Variants in ESYT2 observed in about 807,000 individuals in gnomAD.
The protein encoded by ESYT2 is extended synaptotagmin-2.
A neutral mutation model predicts 107.2 loss-of-function variants in ESYT2; 54 were observed. The ratio of observed to expected loss-of-function variants is 0.50; its 90% CI spans 0.40 to 0.63. The LOEUF (loss-of-function observed/expected upper bound fraction) is 0.63. ESYT2 is among the 30% of genes least tolerant of loss of function. The probability of loss-of-function intolerance (pLI) is 0.00; values close to 1 mark genes in which losing one functional copy is unlikely to be tolerated. For missense variants in ESYT2, 1,020 were observed against 1,094.5 expected (o/e 0.93, Z 0.96); for synonymous variants, 491 against 434.1 (o/e 1.13, Z -1.63).
intron 1 of ESYT2, among the ~76,000 whole-genome samples, chr7:158,810,608 G>A (rs1839966361): frequency 6.6e-6 from 1 of 152,166 alleles, no homozygotes; most frequent in Non-Finnish European, 1.5e-5. Flanking sequence ...CTTGAGCCTG[G>A]GAGGTGGAGG....
At chr7:158,782,114 GGT>G (rs1257557722) in intron 6 of ESYT2, among the ~76,000 whole-genome samples, 35 of 142,966 alleles carry the variant, frequency 2.4e-4, no homozygotes, top group Non-Finnish European at 4.1e-4. Context: ...CAAAGTGTGA[GGT>G]GTGAGTGTAA....
In ESYT2 at chr7:158,749,663, C is replaced by T. The variant is rs1163765989; in HGVS notation, c.1543G>A (p.Ala515Thr). Residue 515 changes from alanine to threonine, a missense_variant, in exon 15 of 23, where the codon GCC becomes ACC. Ala to Thr is a moderately conservative substitution (Grantham distance 58, BLOSUM62 0). Coordinates refer to ENST00000275418, the MANE Select transcript of ESYT2 (RefSeq NM_001367773.1). ...PVVQMSVGHK[A>T]QESKIRYKTN... ...GAGCACCTTACCTTGCTCTCCTGGG[C>T]CTTGTGCCCAACTGACATCTGGACA... is the stretch of plus-strand genomic sequence containing the variant. 6.2e-7 allele frequency: 1 copy of T among 1,613,878 alleles called. No individual in the cohort carries two copies. The highest frequency in any genetic ancestry group is 1.3e-5 in the African/African-American group (1 of 74,886).
chr7:158,828,597 C>G (rs1301694054), intron 1 of ESYT2, among the ~76,000 whole-genome samples: 2 of 152,124 alleles, frequency 1.3e-5, no homozygotes, highest in African/African-American at 2.4e-5. Flanking sequence ...CGAGGGCAGA[C>G]GCGCCCCGGA....
intron 1 of ESYT2, among the ~76,000 whole-genome samples, chr7:158,826,724 G>C (rs918186186): frequency 6.7e-6 from 1 of 149,932 alleles, no homozygotes; most frequent in African/African-American, 2.5e-5. Flanking sequence ...GGGAGGCTGA[G>C]GCAGGAGAAT....
At chr7:158,782,485 G>GTGTAAGAACGAGAACAA (rs1563651214) in intron 6 of ESYT2, among the ~76,000 whole-genome samples, 1 of 142,432 alleles carries the variant, frequency 7.0e-6, no homozygotes, top group African/African-American at 2.5e-5. Context: ...AACAGTGAGA[G>GTGTAAGAACGAGAACAA]GTGTGTGTGA....
chr7:158,791,961 C>A (rs1439826508), intron 4 of ESYT2, among the ~76,000 whole-genome samples: 1 of 148,678 alleles, frequency 6.7e-6, no homozygotes, highest in African/African-American at 2.5e-5. Context: ...TCTTTGATTT[C>A]TTTCAGCAAT....
At chr7:158,782,667 T>A (rs773277330) in intron 6 of ESYT2, among the ~76,000 whole-genome samples, 1 of 151,896 alleles carries the variant, frequency 6.6e-6, no homozygotes. Context: ...AAAGAACAAG[T>A]GTGAGAACAA....
At chr7:158,756,677 G>T (rs565860614) in intron 13 of ESYT2, among the ~76,000 whole-genome samples, 1 of 152,076 alleles carries the variant, frequency 6.6e-6, no homozygotes, top group Non-Finnish European at 1.5e-5. Flanking sequence ...GGGAGGCCGA[G>T]GGGGGTGGAC....
intron 4 of ESYT2, among the ~76,000 whole-genome samples, chr7:158,793,031 T>G (rs1194037848): frequency 1.3e-5 from 2 of 151,972 alleles, no homozygotes; most frequent in Non-Finnish European, 2.9e-5. Context: ...GCCTTCCAAA[T>G]TGCTGGGATT....
At chr7:158,770,322 GTAAACA>G (rs3033498) in intron 7 of ESYT2, among the ~76,000 whole-genome samples, 98,236 of 150,924 alleles carry the variant, frequency 0.65, 34,263 homozygotes, top group Non-Finnish European at 0.78. Context: ...TAACATTTAT[GTAAACA>G]TAATTTATTA....
At chr7:158,763,231 T>C (rs1838035489) in intron 9 of ESYT2, 66 bp from the exon 10 acceptor site, 2 of 1,082,116 alleles carry the variant, frequency 1.8e-6, no homozygotes, top group Admixed American at 2.0e-5. Flanking sequence ...GAGTATGATA[T>C]GATGATTGTA....
At chr7:158,744,420 A>T (rs1355839489) in intron 16 of ESYT2, among the ~76,000 whole-genome samples, 3 of 152,220 alleles carry the variant, frequency 2.0e-5, no homozygotes, top group African/African-American at 7.2e-5. Context: ...ACTCATAACG[A>T]TGTATACAGT....
chr7:158,751,760 G>T (rs1382392825), intron 14 of ESYT2, among the ~76,000 whole-genome samples: 1 of 152,154 alleles, frequency 6.6e-6, no homozygotes, highest in African/African-American at 2.4e-5. Context: ...AGGTCACACT[G>T]CTTGCTGAGC....
chr7:158,808,790 G>A (rs746720706), intron 1 of ESYT2, among the ~76,000 whole-genome samples: 4 of 140,658 alleles, frequency 2.8e-5, no homozygotes, highest in Non-Finnish European at 4.6e-5. Flanking sequence ...GCCAACATGC[G>A]AAATCCCATC....
chr7:158,770,805 G>A lies in ESYT2; in HGVS notation c.803+2536C>T, dbSNP rs78882977. On this transcript the variant is annotated intron_variant, in intron 7 of 22. Transcript: ENST00000275418. ...GCTGGGATTACAGGCGTGAGCCACCGCCCCTGGCCTTATGATTATATTTTT... is the reference window on the plus strand; with the variant it reads ...GCTGGGATTACAGGCGTGAGCCACCACCCCTGGCCTTATGATTATATTTTT... Among the ~76,000 whole-genome samples the A allele has an allele frequency of 5.0e-3, 766 of 152,156 alleles. 44 individuals carry two copies. The East Asian group carries it at 0.12, about 23-fold the overall frequency.
chr7:158,742,398 C>G (rs575281219), intron 17 of ESYT2, among the ~76,000 whole-genome samples: 1 of 152,198 alleles, frequency 6.6e-6, no homozygotes, highest in Non-Finnish European at 1.5e-5. Flanking sequence ...AACACTTCTG[C>G]GTATTCCTCT....
intron 16 of ESYT2, among the ~76,000 whole-genome samples, chr7:158,747,515 G>A (rs1262339034): frequency 6.6e-6 from 1 of 152,158 alleles, no homozygotes; most frequent in African/African-American, 2.4e-5. Flanking sequence ...CATTAGTAAT[G>A]ACGCTGAAAC....
chr7:158,796,546 G>T (rs914638408), intron 3 of ESYT2, among the ~76,000 whole-genome samples: 10 of 152,198 alleles, frequency 6.6e-5, no homozygotes, highest in Non-Finnish European at 1.5e-4. Flanking sequence ...TCACAGGAAA[G>T]ACTACTTAAA....
chr7:158,799,131 C>A, intron 1 of ESYT2, 59 bp from the exon 2 acceptor site: 1 of 1,453,252 alleles, frequency 6.9e-7, no homozygotes, highest in Non-Finnish European at 9.6e-7. Context: ...AATAAAATGT[C>A]AAGCAGGCAA....
Sources: gnomAD v4.1 joint callset for allele counts (sites outside exome capture counted in the v4.1 genomes callset) on GRCh38, gnomAD v4.1.1 for gene constraint, MANE v1.5 for transcripts, NCBI Gene and HGNC (gene_info 2026-07-23, HGNC 2026-07-21) for gene names.